The following ZFHX3 variants were observed in gnomAD, a reference collection of about 807,000 sequenced individuals.
ZFHX3 encodes zinc finger homeobox 3, also known as zinc finger homeobox protein 3.
A neutral mutation model predicts 279.1 loss-of-function variants in ZFHX3; 42 were observed. The ratio of observed to expected loss-of-function variants is 0.15; its 90% CI spans 0.12 to 0.19. The LOEUF is 0.19. ZFHX3 is among the 10% of genes least tolerant of loss of function. ZFHX3 has a pLI of 1.00. For missense variants in ZFHX3, 4,981 were observed against 4,754.0 expected (o/e 1.05, Z -1.40); for synonymous variants, 2,293 against 1,957.8 (o/e 1.17, Z -4.52).
chr16:73,001,590 A>T (rs998606089), intron 1 of ZFHX3, among the ~76,000 whole-genome samples: 1 of 151,950 alleles, frequency 6.6e-6, no homozygotes, highest in Non-Finnish European at 1.5e-5. Context: ...AAGTGAGAGG[A>T]TCACTTCAGC....
At chr16:73,153,106 C>G (rs1182209274) in intron 5 of ZFHX3, among the ~76,000 whole-genome samples, 2 of 152,064 alleles carry the variant, frequency 1.3e-5, no homozygotes, top group East Asian at 1.9e-4. Context: ...GGGAGAGACC[C>G]TCTCCTACCC....
intron 4 of ZFHX3, among the ~76,000 whole-genome samples, chr16:73,281,739 C>T (rs147595878): frequency 2.6e-5 from 4 of 152,254 alleles, no homozygotes; most frequent in Admixed American, 1.3e-4. Context: ...TATCCACAAA[C>T]TGATCAAAAG....
At chr16:72,880,568 G>C (rs1301730334) in intron 4 of ZFHX3, among the ~76,000 whole-genome samples, 1 of 152,108 alleles carries the variant, frequency 6.6e-6, no homozygotes, top group East Asian at 1.9e-4. Flanking sequence ...CACTTCTTTT[G>C]TTTCAGCCAA....
chr16:73,499,849 G>C (rs1342397428), intron 2 of ZFHX3: 1 of 152,204 alleles, frequency 6.6e-6, no homozygotes, highest in Admixed American at 6.5e-5. Flanking sequence ...CAATGGCGCT[G>C]AAAATTTCCT....
intron 2 of ZFHX3, among the ~76,000 whole-genome samples, chr16:73,612,986 G>A (rs2052262845): frequency 1.3e-5 from 2 of 152,146 alleles, no homozygotes; most frequent in South Asian, 2.1e-4. Context: ...TATTCATTCT[G>A]AGAGAAAAAA....
intron 3 of ZFHX3, among the ~76,000 whole-genome samples, chr16:73,382,339 G>T (rs1351366322): frequency 6.6e-6 from 1 of 152,182 alleles, no homozygotes; most frequent in Non-Finnish European, 1.5e-5. Flanking sequence ...GAAGATAACA[G>T]ATTTGAGAAG....
chr16:72,958,631 G>A lies in ZFHX3; in HGVS notation c.1515C>T (p.Asp505=), dbSNP rs989174456. The change falls in exon 2 of 10, where the codon GAC becomes GAT. Residue 505 remains aspartate (D), a synonymous_variant. Coordinates refer to ENST00000268489, the MANE Select transcript of ZFHX3 (RefSeq NM_006885.4). ...FPSELDEELE[D]RPHEEPGAAA... is the part of the protein sequence containing the mutation. Reference sequence around the variant, plus strand: ...CGGCCCCAGGCTCCTCATGGGGCCTGTCCTCCAGTTCCTCATCCAACTCGC... The same window carrying A: ...CGGCCCCAGGCTCCTCATGGGGCCTATCCTCCAGTTCCTCATCCAACTCGC... 5 of 1,614,106 alleles carry A rather than the reference G, an allele frequency of 3.1e-6. No individual in the cohort carries two copies. In the East Asian group the frequency reaches 6.7e-5, roughly 22 times the overall value.
chr16:73,873,068 G>A (rs1189914557), intron 1 of ZFHX3, among the ~76,000 whole-genome samples: 1 of 36,774 alleles, frequency 2.7e-5, no homozygotes, highest in Admixed American at 2.6e-4. Context: ...GGGTGGTGGC[G>A]GATGGTGGTG....
chr16:73,744,797 C>A (rs2053689256), intron 1 of ZFHX3, among the ~76,000 whole-genome samples: 1 of 152,132 alleles, frequency 6.6e-6, no homozygotes, highest in South Asian at 2.1e-4. Flanking sequence ...TTAAAAATTT[C>A]CTCGTGTTAT....
intron 2 of ZFHX3, among the ~76,000 whole-genome samples, chr16:73,623,486 C>T (rs528297777): frequency 1.8e-4 from 28 of 151,974 alleles, no homozygotes; most frequent in Non-Finnish European, 3.7e-4. Flanking sequence ...TAAATGAGGG[C>T]CCATATAAAA....
At chr16:72,975,805 T>C (rs370394216) in intron 1 of ZFHX3, among the ~76,000 whole-genome samples, 92 of 152,314 alleles carry the variant, frequency 6.0e-4, no homozygotes, top group Non-Finnish European at 2.9e-4. Flanking sequence ...CAGATGGTCT[T>C]TCTCCTCTTG....
At chr16:72,924,983 G>A (rs1332536261) in intron 3 of ZFHX3, among the ~76,000 whole-genome samples, 1 of 152,190 alleles carries the variant, frequency 6.6e-6, no homozygotes, top group African/African-American at 2.4e-5. Context: ...CGCCCCAGCT[G>A]GCAAGTCTGA....
At chr16:73,717,401 G>A (rs1374393568) in intron 1 of ZFHX3, among the ~76,000 whole-genome samples, 1 of 152,030 alleles carries the variant, frequency 6.6e-6, no homozygotes, top group Non-Finnish European at 1.5e-5. Context: ...GATACTCCCT[G>A]CCCCAGTGCC....
chr16:72,907,541 CTATTTG>C (rs1273123342), intron 3 of ZFHX3, among the ~76,000 whole-genome samples: 4 of 117,192 alleles, frequency 3.4e-5, no homozygotes, highest in African/African-American at 1.1e-4. Flanking sequence ...AAGGTTTCCT[CTATTTG>C]TGTGTGTGTG....
intron 2 of ZFHX3, among the ~76,000 whole-genome samples, chr16:73,542,673 T>A (rs1342369090): frequency 6.6e-6 from 1 of 152,180 alleles, no homozygotes; most frequent in South Asian, 2.1e-4. Flanking sequence ...ACTTAGCTAG[T>A]TAAAACAAAA....
intron 5 of ZFHX3, among the ~76,000 whole-genome samples, chr16:73,195,285 G>A (rs745917998): frequency 1.3e-5 from 2 of 151,892 alleles, no homozygotes; most frequent in Non-Finnish European, 2.9e-5. Context: ...TAACCCACAG[G>A]AAAAACTGAT....
At chr16:72,957,402 C>A in intron 2 of ZFHX3, 25 bp downstream of exon 2, 1 of 1,570,768 alleles carries the variant, frequency 6.4e-7, no homozygotes, top group Non-Finnish European at 8.6e-7. Context: ...ATCATGAAAA[C>A]AGACAAACAC....
At chr16:73,693,487 T>C (rs960776903) in intron 1 of ZFHX3, among the ~76,000 whole-genome samples, 1 of 151,906 alleles carries the variant, frequency 6.6e-6, no homozygotes, top group Non-Finnish European at 1.5e-5. Flanking sequence ...TGTTCCCGGA[T>C]AGCTCCCAGC....
chr16:73,803,235 A>T (rs373695304), intron 1 of ZFHX3, among the ~76,000 whole-genome samples: 2 of 152,244 alleles, frequency 1.3e-5, no homozygotes, highest in Admixed American at 1.3e-4. Flanking sequence ...TACAAAAGAT[A>T]CCCAACTCCA....
Sources: gnomAD v4.1 joint callset for allele counts (sites outside exome capture counted in the v4.1 genomes callset) on GRCh38, gnomAD v4.1.1 for gene constraint, MANE v1.5 for transcripts, NCBI Gene and HGNC (gene_info 2026-07-23, HGNC 2026-07-21) for gene names.